AGBL1: variants seen among roughly 807,000 people sequenced by gnomAD.
The protein encoded by AGBL1 is cytosolic carboxypeptidase 4.
A neutral mutation model predicts 118.9 loss-of-function variants in AGBL1; 130 were observed. The ratio of observed to expected loss-of-function variants is 1.09; its 90% CI spans 0.95 to 1.26. The LOEUF (loss-of-function observed/expected upper bound fraction) is 1.26, where lower values mean the gene tolerates loss of function less well. Ranked by LOEUF, AGBL1 falls within the 50% of genes most tolerant of loss-of-function variation. The pLI is 0.00. For synonymous variants in AGBL1, 555 were observed against 478.9 expected, an observed-to-expected ratio of 1.16 and a Z score of -2.08; for missense variants, 1,584 against 1,298.1, an observed-to-expected ratio of 1.22 and a Z score of -3.38.
At chr15:86,198,656 A>C (rs1427878392) in intron 5 of AGBL1, among the ~76,000 whole-genome samples, 1 of 151,704 alleles carries the variant, frequency 6.6e-6, no homozygotes, top group East Asian at 2.0e-4. Flanking sequence ...TGAGAAGAGG[A>C]AGATTTTCTC....
At chr15:86,679,883 TCTGG>T (rs2085922210) in intron 22 of AGBL1, among the ~76,000 whole-genome samples, 1 of 152,126 alleles carries the variant, frequency 6.6e-6, no homozygotes, top group South Asian at 2.1e-4. Context: ...GGAAAATGTA[TCTGG>T]CTGTGATCTG....
intron 21 of AGBL1, among the ~76,000 whole-genome samples, chr15:86,632,282 A>AG (rs1445406258): frequency 1.3e-5 from 2 of 150,824 alleles, no homozygotes; most frequent in South Asian, 2.1e-4. Flanking sequence ...TTTAAAAAAA[A>AG]AAAAAAAAAA....
chr15:86,466,495 C>G (rs1319184440), intron 18 of AGBL1, among the ~76,000 whole-genome samples: 1 of 152,186 alleles, frequency 6.6e-6, no homozygotes, highest in Non-Finnish European at 1.5e-5. Flanking sequence ...CTACTTCTGT[C>G]AATTGTCAAA....
chr15:86,224,130 G>T (rs2141927547), intron 5 of AGBL1, among the ~76,000 whole-genome samples: 1 of 152,226 alleles, frequency 6.6e-6, no homozygotes, highest in Admixed American at 6.5e-5. Flanking sequence ...GGGCCACACA[G>T]AATCTTCTAT....
intron 18 of AGBL1, among the ~76,000 whole-genome samples, chr15:86,495,103 A>ACT (rs34697784): frequency 0.088 from 11,358 of 129,386 alleles, 500 homozygotes; most frequent in Middle Eastern, 0.15. Flanking sequence ...TGTCTCGCTC[A>ACT]CTCTCTCTCT....
At chr15:86,231,176 C>T (rs1297301298) in intron 6 of AGBL1, among the ~76,000 whole-genome samples, 1 of 152,054 alleles carries the variant, frequency 6.6e-6, no homozygotes, top group South Asian at 2.1e-4. Context: ...GCATATTTTT[C>T]CTACTGGGTA....
At chr15:86,619,598 G>T (rs1320159527) in intron 21 of AGBL1, among the ~76,000 whole-genome samples, 1 of 152,164 alleles carries the variant, frequency 6.6e-6, no homozygotes, top group Non-Finnish European at 1.5e-5. Flanking sequence ...GCAGTCCTAT[G>T]AGATGGGCTG....
At chr15:86,794,766 A>T (rs1274700452) in intron 22 of AGBL1, among the ~76,000 whole-genome samples, 1 of 152,208 alleles carries the variant, frequency 6.6e-6, no homozygotes, top group East Asian at 1.9e-4. Context: ...TCCATATGGC[A>T]AAAGTAATTT....
intron 17 of AGBL1, among the ~76,000 whole-genome samples, chr15:86,394,354 C>A (rs544919149): frequency 1.3e-5 from 2 of 152,066 alleles, no homozygotes; most frequent in Non-Finnish European, 2.9e-5. Flanking sequence ...CTTAAGATAG[C>A]GGTTCTCAAT....
At chr15:86,725,062 T>C (rs1048027954) in intron 22 of AGBL1, among the ~76,000 whole-genome samples, 7 of 152,142 alleles carry the variant, frequency 4.6e-5, no homozygotes, top group African/African-American at 1.4e-4. Flanking sequence ...AAGCAGCCAC[T>C]GTTTGTGAGG....
At chr15:86,714,614 A>G (rs1478129305) in intron 22 of AGBL1, among the ~76,000 whole-genome samples, 2 of 152,360 alleles carry the variant, frequency 1.3e-5, no homozygotes, top group Middle Eastern at 3.4e-3. Flanking sequence ...CCTGAATGCC[A>G]GCATAACCTT....
intron 22 of AGBL1, among the ~76,000 whole-genome samples, chr15:86,818,197 A>G (rs1201494198): frequency 6.6e-6 from 1 of 152,146 alleles, no homozygotes; most frequent in Non-Finnish European, 1.5e-5. Context: ...AAGATAACAC[A>G]TTTAACACAT....
intron 21 of AGBL1, among the ~76,000 whole-genome samples, chr15:86,652,745 A>G (rs2085396107): frequency 6.6e-6 from 1 of 152,178 alleles, no homozygotes; most frequent in African/African-American, 2.4e-5. Flanking sequence ...GAATGACTAC[A>G]TTAAATCTCC....
intron 22 of AGBL1, among the ~76,000 whole-genome samples, chr15:86,680,210 T>C (rs1302152898): frequency 1.3e-5 from 2 of 152,240 alleles, no homozygotes; most frequent in Non-Finnish European, 2.9e-5. Flanking sequence ...TTGTGTTTAA[T>C]GACTTGCATT....
intron 22 of AGBL1, among the ~76,000 whole-genome samples, chr15:86,804,648 C>T (rs1197072013): frequency 6.6e-6 from 1 of 152,088 alleles, no homozygotes; most frequent in East Asian, 1.9e-4. Flanking sequence ...CAAGACACAC[C>T]TCAAAAACCT....
chr15:86,791,751 T>TATATATATATATATATATA (rs1596484565), intron 22 of AGBL1, among the ~76,000 whole-genome samples: 1 of 149,408 alleles, frequency 6.7e-6, no homozygotes, highest in Non-Finnish European at 1.5e-5. Flanking sequence ...TATATATATA[T>TATATATATATATATATATA]TTTGAGACAG....
At position 86,229,628 on chromosome 15, in the gene AGBL1, T is replaced by G. The variant is rs538974656; in HGVS notation, c.526+4677T>G. On this transcript the variant is annotated intron_variant, in intron 6 of 22. Transcript: ENST00000614907. ...GTCTTTTCCTCTTTTTCCCTCATCC[T>G]TTTTGTCATTTCTCATTTCCCTGTC... is the stretch of plus-strand genomic sequence containing the variant. Among the ~76,000 whole-genome samples, 219 of 152,292 alleles carry G rather than the reference T, an allele frequency of 1.4e-3. 3 individuals are homozygous for G. In the South Asian group the frequency reaches 0.045, roughly 31 times the overall value.
intron 22 of AGBL1, among the ~76,000 whole-genome samples, chr15:86,734,701 G>A (rs2077569246): frequency 2.0e-5 from 3 of 152,250 alleles, no homozygotes; most frequent in South Asian, 4.1e-4. Flanking sequence ...GGAAAAATGA[G>A]GAGGAGACAA....
intron 21 of AGBL1, among the ~76,000 whole-genome samples, chr15:86,563,807 G>A (rs1229166301): frequency 6.6e-6 from 1 of 152,148 alleles, no homozygotes; most frequent in African/African-American, 2.4e-5. Flanking sequence ...TTATGAATCT[G>A]GGTGCTCCTG....
Sources: allele counts gnomAD v4.1 joint callset (sites outside exome capture counted in the v4.1 genomes callset), GRCh38; gene constraint gnomAD v4.1.1; transcripts MANE v1.5; gene names NCBI Gene and HGNC (gene_info 2026-07-23, HGNC 2026-07-21).